SMCHD1: variants seen among roughly 807,000 people sequenced by gnomAD.
SMCHD1 encodes the protein structural maintenance of chromosomes flexible hinge domain-containing protein 1.
A neutral mutation model predicts 254.7 loss-of-function variants in SMCHD1; 78 were observed. That is an observed-to-expected ratio of 0.31 (90% CI 0.26 to 0.37). The LOEUF (loss-of-function observed/expected upper bound fraction) is 0.37. Ranked by LOEUF, SMCHD1 falls within the 10% of genes least tolerant of loss-of-function variation. SMCHD1 has a pLI of 1.00. For synonymous variants in SMCHD1, 766 were observed against 794.9 expected (o/e 0.96, Z 0.61); for missense variants, 1,840 against 2,408.1 (o/e 0.76, Z 4.94).
rs1019244530 is a variant in SMCHD1, at chr18:2,802,874, G to A, written c.*322G>A. On this transcript the variant is annotated 3_prime_UTR_variant, in exon 48 of 48. Coordinates refer to ENST00000320876, the MANE Select transcript of SMCHD1 (RefSeq NM_015295.3). ...CTGGCACATGGCATTTATTAATCCT[G>A]AAGAAAAGTACATGTACTATTTTTC... The A allele has an allele frequency of 3.9e-6, 1 of 255,832 alleles. No individual in the cohort carries two copies. The highest frequency in any genetic ancestry group is 2.2e-5 in the African/African-American group (1 of 44,972). 15.8% of individuals were successfully genotyped at this position (255,832 alleles called of 1,614,324 possible). A position where few individuals can be genotyped will look rare whatever the true frequency, so the allele number is the denominator to read the frequency against.
intron 45 of SMCHD1, among the ~76,000 whole-genome samples, chr18:2,785,700 T>C (rs2076229011): frequency 6.7e-6 from 1 of 148,356 alleles, no homozygotes; most frequent in Non-Finnish European, 1.5e-5. Context: ...TGCATTCACA[T>C]TGTTGTTCAT....
At chr18:2,662,890 G>C (rs1218160477) in intron 1 of SMCHD1, among the ~76,000 whole-genome samples, 1 of 152,182 alleles carries the variant, frequency 6.6e-6, no homozygotes, top group East Asian at 1.9e-4. Flanking sequence ...GTTTACTAAA[G>C]TATGCCAAAT....
chr18:2,761,477 T>A (rs1188177080), intron 35 of SMCHD1, among the ~76,000 whole-genome samples: 2 of 152,202 alleles, frequency 1.3e-5, no homozygotes, highest in Non-Finnish European at 2.9e-5. Flanking sequence ...ATTAGAATTC[T>A]GGATAGTGAT....
chr18:2,671,949 G>A (rs1387190858), intron 3 of SMCHD1, among the ~76,000 whole-genome samples: 1 of 151,998 alleles, frequency 6.6e-6, no homozygotes, highest in Non-Finnish European at 1.5e-5. Flanking sequence ...CTTAACTGTT[G>A]TACCTGTGTG....
intron 44 of SMCHD1, among the ~76,000 whole-genome samples, chr18:2,782,301 G>C (rs969181394): frequency 6.6e-6 from 1 of 152,158 alleles, no homozygotes; most frequent in Non-Finnish European, 1.5e-5. Flanking sequence ...GGTTGAGGGA[G>C]AATTGAGAAA....
chr18:2,758,945 C>G lies in SMCHD1; in HGVS notation c.4347-1707C>G, dbSNP rs377441656. Among the ~76,000 whole-genome samples the G allele has an allele frequency of 3.3e-5, 5 of 152,116 alleles. No individual in the cohort carries two copies. In the East Asian group the frequency reaches 9.6e-4, roughly 29 times the overall value. On this transcript the variant is annotated intron_variant, in intron 34 of 47. Coordinates refer to ENST00000320876, the MANE Select transcript of SMCHD1 (RefSeq NM_015295.3). ...GCCATTCTTTTACCTCTCTTCCTTC[C>G]AGATGATTACTTTGAACTATCTTCA...
In SMCHD1 at chr18:2,757,550, A is replaced by G. The variant is rs139629116; in HGVS notation, c.4347-3102A>G. Among the ~76,000 whole-genome samples the G allele has an allele frequency of 6.1e-3, 924 of 152,174 alleles. 10 individuals are homozygous for G. The highest frequency in any genetic ancestry group is 0.021 in the African/African-American group (878 of 41,524). On this transcript the variant is annotated intron_variant, in intron 34 of 47. Transcript: ENST00000320876. ...ATTTTCTAATTTTCATTGTGATTTC[A>G]TCCTTTGACCATGGCTTATTCAGAT...
Position 2,703,869 on chromosome 18 carries a change from T to C in SMCHD1, c.1825T>C (p.Tyr609His). Reference sequence around the variant, plus strand: ...AGCAATAGAATGGGATGGAAAGATATACAAAGCAGGACAGCTGGTAGGTTT... The same window carrying C: ...AGCAATAGAATGGGATGGAAAGATACACAAAGCAGGACAGCTGGTAGGTTT... ...YAAIEWDGKI[Y>H]KAGQLVKTIK... The change falls in exon 13 of 48, where the codon TAC (tyrosine) becomes CAC (histidine). Residue 609 changes from tyrosine (Y) to histidine (H), a missense_variant. This residue lies in a region of SMCHD1 where 498 missense variants were observed against 743.5 expected (regional missense o/e 0.67). Transcript: ENST00000320876. 1.2e-6 allele frequency: 2 copies of C among 1,603,212 alleles called. No individual in the cohort carries two copies. The highest frequency in any genetic ancestry group is 1.1e-5 in the South Asian group (1 of 88,974).
intron 20 of SMCHD1, among the ~76,000 whole-genome samples, chr18:2,724,458 G>C (rs1409759986): frequency 6.6e-6 from 1 of 151,992 alleles, no homozygotes; most frequent in African/African-American, 2.4e-5. Flanking sequence ...TTGCCATTCA[G>C]TTTAATAACA....
In SMCHD1 at chr18:2,699,249, G is replaced by A. The variant is rs145764816; in HGVS notation, c.1342+1208G>A. Among the ~76,000 whole-genome samples the A allele has an allele frequency of 1.8e-3, 278 of 151,472 alleles. 2 individuals carry two copies. The highest frequency in any genetic ancestry group is 6.4e-3 in the African/African-American group (265 of 41,408). ...GTGAAGATCAAATTTAAAAACTGGG[G>A]CAACTTCTCAGAATAGTGCTCAACA... On this transcript the variant is annotated intron_variant, in intron 10 of 47. Transcript: ENST00000320876.
chr18:2,678,252 T>TC (rs1568115299), intron 5 of SMCHD1, among the ~76,000 whole-genome samples: 2 of 121,326 alleles, frequency 1.6e-5, no homozygotes, highest in Admixed American at 8.9e-5. Context: ...TCGTTCTTTC[T>TC]TTCTCTCTCT....
chr18:2,748,490 TTCAAAGCAATTCTCCTGCCTCCGCCTC>T, intron 30 of SMCHD1, among the ~76,000 whole-genome samples: 1 of 74,508 alleles, frequency 1.3e-5, no homozygotes. Flanking sequence ...GCCTCCCAGG[TTCAAAGCAATTCTCCTGCCTCCGCCTC>T]CTGAGTAGTT....
intron 5 of SMCHD1, among the ~76,000 whole-genome samples, chr18:2,678,852 T>G (rs1459806095): frequency 7.1e-5 from 2 of 28,266 alleles, no homozygotes; most frequent in Non-Finnish European, 3.9e-4. Context: ...TGTTTGTTTT[T>G]TTGTTTTTTT....
intron 27 of SMCHD1, among the ~76,000 whole-genome samples, chr18:2,739,914 A>G (rs574233774): frequency 1.4e-5 from 2 of 146,860 alleles, no homozygotes; most frequent in South Asian, 4.6e-4. Flanking sequence ...GTGATACTGT[A>G]CTCCTAAAAA....
At chr18:2,728,335 T>C (rs2075065243) in intron 22 of SMCHD1, 122 bp from the exon 23 acceptor site, 1 of 988,144 alleles carries the variant, frequency 1.0e-6, no homozygotes. Context: ...TGCCTATATT[T>C]TTCTTTCTTG....
intron 44 of SMCHD1, among the ~76,000 whole-genome samples, chr18:2,778,785 A>G (rs1454146939): frequency 6.6e-6 from 1 of 152,088 alleles, no homozygotes; most frequent in African/African-American, 2.4e-5. Context: ...ACTGTGTTCA[A>G]ATTTCCCCCT....
chr18:2,724,963 G>A lies in SMCHD1; in HGVS notation c.2668G>A (p.Ala890Thr), dbSNP rs1456503122. The change falls in exon 21 of 48, where the codon GCC becomes ACC. Residue 890 changes from alanine to threonine, a missense_variant. Physicochemically the swap from Ala to Thr is moderately conservative, Grantham distance 58. Transcript: ENST00000320876. ...GPNCVIRGVT[A>T]KGPVNSCQGK... ...AAATTGTGTAATTCGAGGTGTTACA[G>A]CCAAGGGCCCTGTAAACTCTTGTCA... The A allele has an allele frequency of 2.5e-6, 4 of 1,589,718 alleles. No individual in the cohort carries two copies. The highest frequency in any genetic ancestry group is 3.4e-6 in the Non-Finnish European group (4 of 1,164,892).
intron 3 of SMCHD1, among the ~76,000 whole-genome samples, chr18:2,669,720 T>A (rs1466172812): frequency 1.3e-5 from 2 of 152,204 alleles, no homozygotes; most frequent in Non-Finnish European, 2.9e-5. Flanking sequence ...TCTCTTGAAG[T>A]CCAGTTTTAT....
At chr18:2,771,641 A>G (rs767966162) in intron 40 of SMCHD1, 23 bp downstream of exon 40, 1 of 1,468,122 alleles carries the variant, frequency 6.8e-7, no homozygotes, top group African/African-American at 1.5e-5. Context: ...ACTATACGTG[A>G]AAGATTTTTT....
Sources: allele counts gnomAD v4.1 joint callset (sites outside exome capture counted in the v4.1 genomes callset), GRCh38; gene constraint gnomAD v4.1.1; regional missense constraint gnomAD v4.1.1; transcripts MANE v1.5; gene names NCBI Gene and HGNC (gene_info 2026-07-23, HGNC 2026-07-21).